FUT8: variants seen among roughly 807,000 people sequenced by gnomAD.
FUT8 encodes alpha-(1,6)-fucosyltransferase.
In FUT8, 29 loss-of-function variants were observed where a neutral mutation model predicts 71.3. The observed-to-expected ratio is 0.41, with a 90% CI of 0.30 to 0.55. FUT8 has a LOEUF of 0.55. Among genes scored for constraint, FUT8 ranks in the 20% least tolerant of loss-of-function variants. The probability of loss-of-function intolerance (pLI) is 0.34; values close to 1 mark genes in which losing one functional copy is unlikely to be tolerated. For missense variants in FUT8, 544 were observed against 702.1 expected (o/e 0.77, Z 2.55); for synonymous variants, 254 against 239.3 (o/e 1.06, Z -0.57).
chr14:65,442,821 A>G (rs901173651), intron 1 of FUT8, among the ~76,000 whole-genome samples: 4 of 119,138 alleles, frequency 3.4e-5, no homozygotes, highest in African/African-American at 1.1e-4. Context: ...ACCCCATCTC[A>G]TTAAAAAAAA....
rs76515958 is a variant in FUT8, at chr14:65,587,463, C to A, written c.203+25697C>A. On this transcript the variant is annotated intron_variant, in intron 3 of 10. Transcript: ENST00000673929. ...ATAATATTTAGGAATTAATATATTT[C>A]TAGAGCAGTGCCATATGTAGCCACA... 5.8e-3 allele frequency among the ~76,000 whole-genome samples: 877 copies of A among 152,238 alleles called. 31 individuals are homozygous for A. The East Asian group carries it at 0.094, about 16-fold the overall frequency.
chr14:65,598,681 A>ATG (rs931256574), intron 3 of FUT8, among the ~76,000 whole-genome samples: 114 of 152,318 alleles, frequency 7.5e-4, no homozygotes, highest in Middle Eastern at 3.4e-3. Context: ...GAGGAAAATA[A>ATG]TGTGTTTTCA....
intron 2 of FUT8, among the ~76,000 whole-genome samples, chr14:65,513,182 C>G (rs1485313179): frequency 6.6e-6 from 1 of 152,202 alleles, no homozygotes; most frequent in Non-Finnish European, 1.5e-5. Context: ...CAAAGCTATT[C>G]TATCGACAAA....
chr14:65,618,815 C>G (rs1291288885), intron 5 of FUT8, among the ~76,000 whole-genome samples: 1 of 152,158 alleles, frequency 6.6e-6, no homozygotes, highest in African/African-American at 2.4e-5. Context: ...GGACCATGGT[C>G]AGTGAGGCTG....
At chr14:65,729,784 G>C (rs1189975513) in intron 9 of FUT8, among the ~76,000 whole-genome samples, 5 of 152,130 alleles carry the variant, frequency 3.3e-5, no homozygotes, top group African/African-American at 1.2e-4. Flanking sequence ...TGCAAGAATA[G>C]TAAAACCAGA....
chr14:65,697,226 C>G (rs1894039714), intron 7 of FUT8, among the ~76,000 whole-genome samples: 1 of 152,152 alleles, frequency 6.6e-6, no homozygotes, highest in Non-Finnish European at 1.5e-5. Context: ...GTAGCCATAG[C>G]TATGGTATCA....
chr14:65,370,749 GC>G, the FUT8 span, among the ~76,000 whole-genome samples: 1 of 151,914 alleles, frequency 6.6e-6, no homozygotes, highest in African/African-American at 2.4e-5. Context: ...TAGGAATTAA[GC>G]TGACAAAAAA....
At chr14:65,521,507 G>A (rs1186768128) in intron 2 of FUT8, among the ~76,000 whole-genome samples, 1 of 152,150 alleles carries the variant, frequency 6.6e-6, no homozygotes, top group Non-Finnish European at 1.5e-5. Flanking sequence ...ATATAGAATG[G>A]TCAGGGAAGA....
rs752368621 is a variant in FUT8, at chr14:65,637,664, C to G, written c.597+8058C>G. On this transcript the variant is annotated intron_variant, in intron 6 of 10. Coordinates refer to ENST00000673929, the MANE Select transcript of FUT8 (RefSeq NM_001371533.1). ...GCAGTCTGCTTAGTCCCTAGCTCAGCTAGGTCTGAGTTCTTGTTCCACAAC... is the reference window on the plus strand; with the variant it reads ...GCAGTCTGCTTAGTCCCTAGCTCAGGTAGGTCTGAGTTCTTGTTCCACAAC... 1.4e-4 allele frequency among the ~76,000 whole-genome samples: 22 copies of G among 151,992 alleles called. 1 individual carries two copies. The highest frequency in any genetic ancestry group is 1.2e-3 in the Admixed American group (19 of 15,260).
At chr14:65,670,850 C>T (rs1418862145) in intron 7 of FUT8, among the ~76,000 whole-genome samples, 1 of 152,012 alleles carries the variant, frequency 6.6e-6, no homozygotes, top group Non-Finnish European at 1.5e-5. Context: ...TGTGTTTTGT[C>T]TTCTGTAGGG....
chr14:65,624,677 G>T (rs993389002), intron 5 of FUT8, among the ~76,000 whole-genome samples: 1 of 152,222 alleles, frequency 6.6e-6, no homozygotes, highest in East Asian at 1.9e-4. Context: ...CACATTTGAC[G>T]TAAAACTGAG....
chr14:65,565,216 C>A (rs1407824302), intron 3 of FUT8, among the ~76,000 whole-genome samples: 1 of 151,940 alleles, frequency 6.6e-6, no homozygotes, highest in Non-Finnish European at 1.5e-5. Context: ...AAGGAGAACT[C>A]AGTCATCTCT....
intron 3 of FUT8, among the ~76,000 whole-genome samples, chr14:65,583,640 A>G (rs1887206946): frequency 8.0e-6 from 1 of 125,664 alleles, no homozygotes; most frequent in African/African-American, 2.6e-5. Context: ...TGCTGAAAAT[A>G]ATAAGCAAAA....
intron 1 of FUT8, among the ~76,000 whole-genome samples, chr14:65,451,347 A>C (rs1350867057): frequency 6.6e-6 from 1 of 152,228 alleles, no homozygotes; most frequent in Non-Finnish European, 1.5e-5. Context: ...GAACGGCCGG[A>C]TGCTTTAGCC....
At chr14:65,699,137 C>T (rs1894149927) in intron 7 of FUT8, among the ~76,000 whole-genome samples, 1 of 142,942 alleles carries the variant, frequency 7.0e-6, no homozygotes, top group South Asian at 2.3e-4. Flanking sequence ...TAAACACTCC[C>T]TCCCTTCTAC....
chr14:65,573,694 A>ACTGTACTC (rs1886605789), intron 3 of FUT8, among the ~76,000 whole-genome samples: 1 of 151,180 alleles, frequency 6.6e-6, no homozygotes, highest in Admixed American at 6.6e-5. Context: ...GTGAATAGCC[A>ACTGTACTC]CTGTACTCCA....
chr14:65,693,798 C>G (rs1893841558), intron 7 of FUT8, among the ~76,000 whole-genome samples: 1 of 152,154 alleles, frequency 6.6e-6, no homozygotes. Context: ...TAGTAGAATT[C>G]ACCAGTGAAA....
intron 1 of FUT8, among the ~76,000 whole-genome samples, chr14:65,446,532 A>G (rs921942357): frequency 2.6e-5 from 4 of 152,352 alleles, no homozygotes; most frequent in Non-Finnish European, 4.4e-5. Flanking sequence ...GCATACTTCC[A>G]TAGAATATTT....
intron 1 of FUT8, among the ~76,000 whole-genome samples, chr14:65,438,629 A>G (rs1261108165): frequency 6.6e-6 from 1 of 152,204 alleles, no homozygotes; most frequent in Non-Finnish European, 1.5e-5. Context: ...TGTGAGAGAG[A>G]AATAAACTTC....
Sources: allele counts gnomAD v4.1 joint callset (sites outside exome capture counted in the v4.1 genomes callset), GRCh38; gene constraint gnomAD v4.1.1; transcripts MANE v1.5; gene names NCBI Gene and HGNC (gene_info 2026-07-23, HGNC 2026-07-21).